FER1L6: variants seen among roughly 807,000 people sequenced by gnomAD.
FER1L6 encodes fer-1-like protein 6.
A neutral mutation model predicts 219.2 loss-of-function variants in FER1L6; 177 were observed. The observed-to-expected ratio is 0.81, with a 90% CI of 0.71 to 0.91. FER1L6 has a LOEUF of 0.91. Ranked by LOEUF, FER1L6 falls within the 40% of genes least tolerant of loss-of-function variation. The pLI, the probability that FER1L6 is intolerant of heterozygous loss-of-function variation, is 0.00. For synonymous variants in FER1L6, 768 were observed against 824.3 expected, an observed-to-expected ratio of 0.93 and a Z score of 1.17; for missense variants, 2,153 against 2,259.9, an observed-to-expected ratio of 0.95 and a Z score of 0.96.
intron 39 of FER1L6, among the ~76,000 whole-genome samples, chr8:124,117,785 C>A (rs527653501): frequency 6.6e-6 from 1 of 152,200 alleles, no homozygotes; most frequent in Admixed American, 6.5e-5. Context: ...GTGAATGAGT[C>A]CTGATCTTTT....
chr8:124,117,558 C>T (rs1823298925), intron 39 of FER1L6, among the ~76,000 whole-genome samples: 1 of 152,176 alleles, frequency 6.6e-6, no homozygotes, highest in Non-Finnish European at 1.5e-5. Flanking sequence ...TTTAATGCTA[C>T]TCTGAGTTGG....
At chr8:124,118,821 A>G (rs1397745072) in intron 39 of FER1L6, 23 bp from the exon 40 acceptor site, 1 of 1,610,974 alleles carries the variant, frequency 6.2e-7, no homozygotes, top group Non-Finnish European at 8.5e-7. Flanking sequence ...ACTGGAAACA[A>G]AAGGTTTTGC....
At chr8:123,955,440 GC>G in intron 1 of FER1L6, among the ~76,000 whole-genome samples, 1 of 152,318 alleles carries the variant, frequency 6.6e-6, no homozygotes, top group African/African-American at 2.4e-5. Flanking sequence ...GGTCTCGAGA[GC>G]CCAGGTCTGG....
intron 22 of FER1L6, among the ~76,000 whole-genome samples, chr8:124,056,677 T>C (rs1820312475): frequency 6.6e-6 from 1 of 152,200 alleles, no homozygotes; most frequent in Non-Finnish European, 1.5e-5. Flanking sequence ...ATGAAGACTT[T>C]GCAGAAGGCA....
intron 1 of FER1L6, among the ~76,000 whole-genome samples, chr8:123,942,870 T>C (rs1025987750): frequency 6.6e-6 from 1 of 152,220 alleles, no homozygotes; most frequent in Admixed American, 6.5e-5. Flanking sequence ...CAGAGGTATT[T>C]GACCCATCCA....
chr8:123,862,807 G>T (rs11778324), intron 1 of FER1L6, among the ~76,000 whole-genome samples: 19,042 of 76,614 alleles, frequency 0.25, 3,286 homozygotes, highest in Non-Finnish European at 0.32. Context: ...TTTGTATTTC[G>T]GTGGGATCGG....
At chr8:123,911,737 T>C (rs560948106) in intron 1 of FER1L6, among the ~76,000 whole-genome samples, 4 of 152,154 alleles carry the variant, frequency 2.6e-5, no homozygotes, top group Non-Finnish European at 5.9e-5. Context: ...TCCGAGAGCA[T>C]GCAGCTAGTT....
chr8:124,006,771 C>T (rs1817672118), intron 13 of FER1L6, among the ~76,000 whole-genome samples: 1 of 152,164 alleles, frequency 6.6e-6, no homozygotes, highest in Admixed American at 6.5e-5. Context: ...CCACAAACAG[C>T]ACAGCACCTT....
intron 14 of FER1L6, among the ~76,000 whole-genome samples, chr8:124,012,938 A>G (rs1264357506): frequency 6.6e-6 from 1 of 152,264 alleles, no homozygotes; most frequent in Non-Finnish European, 1.5e-5. Context: ...GGCCATTGCC[A>G]TATACAATCT....
chr8:123,870,720 G>A (rs926753613), intron 1 of FER1L6, among the ~76,000 whole-genome samples: 3 of 152,190 alleles, frequency 2.0e-5, no homozygotes, highest in Non-Finnish European at 4.4e-5. Context: ...GTTTGGTTCT[G>A]TAATGTGAAT....
chr8:123,928,734 A>C (rs1181051950), intron 1 of FER1L6, among the ~76,000 whole-genome samples: 1 of 152,228 alleles, frequency 6.6e-6, no homozygotes, highest in Non-Finnish European at 1.5e-5. Context: ...TAAGAAATCC[A>C]ATGGATACAA....
At chr8:124,119,526 C>T (rs537998225) in intron 40 of FER1L6, 81 bp from the exon 41 acceptor site, 30 of 920,580 alleles carry the variant, frequency 3.3e-5, no homozygotes, top group Non-Finnish European at 4.5e-5. Context: ...AAGTGGGAGT[C>T]GGAAACACTT....
intron 1 of FER1L6, among the ~76,000 whole-genome samples, chr8:123,890,387 T>C (rs1004069915): frequency 5.3e-5 from 8 of 152,056 alleles, no homozygotes; most frequent in Admixed American, 2.0e-4. Context: ...TCCTCTTTGT[T>C]TTTGATTTTA....
chr8:124,009,628 T>C (rs1817821089), intron 13 of FER1L6, among the ~76,000 whole-genome samples: 1 of 152,118 alleles, frequency 6.6e-6, no homozygotes, highest in African/African-American at 2.4e-5. Flanking sequence ...TGTTCAGATC[T>C]GAGGGTGCTG....
chr8:124,096,385 C>T (rs191166643), intron 35 of FER1L6, among the ~76,000 whole-genome samples: 42 of 152,342 alleles, frequency 2.8e-4, no homozygotes, highest in Admixed American at 1.4e-3. Context: ...AAAGGCCCTT[C>T]CTCATCCAAA....
At chr8:124,041,513 G>T (rs530876906) in intron 20 of FER1L6, among the ~76,000 whole-genome samples, 2 of 152,266 alleles carry the variant, frequency 1.3e-5, no homozygotes, top group African/African-American at 4.8e-5. Flanking sequence ...CCACATGCTG[G>T]GCTCTGGAGG....
intron 1 of FER1L6, among the ~76,000 whole-genome samples, chr8:123,922,710 A>T (rs1813406730): frequency 6.6e-6 from 1 of 152,216 alleles, no homozygotes; most frequent in African/African-American, 2.4e-5. Flanking sequence ...CTTAAGGTTC[A>T]CATTTTGGTC....
chr8:123,915,248 T>A (rs1194765495), intron 1 of FER1L6, among the ~76,000 whole-genome samples: 1 of 152,064 alleles, frequency 6.6e-6, no homozygotes, highest in Admixed American at 6.5e-5. Context: ...CACAGACTTG[T>A]TTAGGAAGCT....
intron 1 of FER1L6, among the ~76,000 whole-genome samples, chr8:123,953,895 A>G (rs972466676): frequency 4.6e-5 from 7 of 152,150 alleles, no homozygotes; most frequent in African/African-American, 1.7e-4. Context: ...TTGAAAACAG[A>G]ATAGTGAAAA....
Sources: gnomAD v4.1 joint callset for allele counts (sites outside exome capture counted in the v4.1 genomes callset) on GRCh38, gnomAD v4.1.1 for gene constraint, MANE v1.5 for transcripts, NCBI Gene and HGNC (gene_info 2026-07-23, HGNC 2026-07-21) for gene names.